Variants in ELF1 observed in about 807,000 individuals in gnomAD.
The protein encoded by ELF1 is ETS-related transcription factor Elf-1.
ELF1 carries 24 observed loss-of-function variants against 59.9 expected under a neutral mutation model. The ratio of observed to expected loss-of-function variants is 0.40; its 90% CI spans 0.29 to 0.56. The LOEUF (loss-of-function observed/expected upper bound fraction) is 0.56, where lower values mean the gene tolerates loss of function less well. Ranked by LOEUF, ELF1 falls within the 20% of genes least tolerant of loss-of-function variation. The pLI is 0.44. For synonymous variants in ELF1, 248 were observed against 266.2 expected, an observed-to-expected ratio of 0.93 and a Z score of 0.67; for missense variants, 627 against 742.2, an observed-to-expected ratio of 0.84 and a Z score of 1.80.
chr13:40,977,444 A>G (rs1405044029), intron 2 of ELF1, among the ~76,000 whole-genome samples: 1 of 152,060 alleles, frequency 6.6e-6, no homozygotes. Context: ...CCCCGCCATG[A>G]CCCCTGCCAT....
chr13:41,055,075 G>A (rs1214161381), intron 1 of ELF1, among the ~76,000 whole-genome samples: 1 of 152,174 alleles, frequency 6.6e-6, no homozygotes, highest in African/African-American at 2.4e-5. Context: ...TGATGATACA[G>A]AGGGAAACAA....
At position 40,982,285 on chromosome 13, in the gene ELF1, A is replaced by G; in HGVS notation, c.-228-3T>C. The G allele has an allele frequency of 1.6e-6, 2 of 1,252,246 alleles. No homozygotes were observed. Among genetic ancestry groups the G allele is most frequent in the East Asian group, 6.6e-5 (2 of 30,456 alleles). The allele number at this position is 1,252,246 out of a possible 1,614,324, so 77.6% of individuals were successfully genotyped here. A position where few individuals can be genotyped will look rare whatever the true frequency, so the allele number is the denominator to read the frequency against. ...TTTCTTCTCTCAAGCTTCTTGGCCTAAAAAACAAAAGCTCAGATTAGTTAT... is the reference window on the plus strand; with the variant it reads ...TTTCTTCTCTCAAGCTTCTTGGCCTGAAAAACAAAAGCTCAGATTAGTTAT... On this transcript the variant is annotated splice_polypyrimidine_tract_variant and splice_region_variant and intron_variant, in intron 1 of 8. Coordinates refer to ENST00000239882, the MANE Select transcript of ELF1 (RefSeq NM_172373.4).
chr13:41,005,203 A>G (rs991488106), intron 1 of ELF1, among the ~76,000 whole-genome samples: 7 of 152,186 alleles, frequency 4.6e-5, no homozygotes, highest in African/African-American at 1.7e-4. Flanking sequence ...GAGCCAATAA[A>G]AAAGTATTTT....
intron 1 of ELF1, among the ~76,000 whole-genome samples, chr13:40,991,496 G>A (rs559778178): frequency 6.6e-6 from 1 of 152,142 alleles, no homozygotes; most frequent in Admixed American, 6.5e-5. Flanking sequence ...AGACAGATCT[G>A]GAACTCCTGG....
intron 5 of ELF1, among the ~76,000 whole-genome samples, chr13:40,944,867 A>G (rs1870408866): frequency 2.0e-5 from 3 of 152,106 alleles, no homozygotes; most frequent in African/African-American, 7.3e-5. Context: ...AGAAAAGCAG[A>G]ATTTTACAGC....
chr13:40,985,973 T>C (rs778338697), intron 1 of ELF1, among the ~76,000 whole-genome samples: 8 of 151,970 alleles, frequency 5.3e-5, no homozygotes, highest in Non-Finnish European at 7.4e-5. Flanking sequence ...GTCAACTTAT[T>C]TGCACAGTTT....
intron 1 of ELF1, among the ~76,000 whole-genome samples, chr13:40,993,779 C>G (rs1593384324): frequency 6.6e-6 from 1 of 152,136 alleles, no homozygotes; most frequent in African/African-American, 2.4e-5. Flanking sequence ...AACACTGCAC[C>G]TGGCCGGGTT....
chr13:41,039,695 C>CA (rs1360055227), intron 1 of ELF1, among the ~76,000 whole-genome samples: 6 of 152,158 alleles, frequency 3.9e-5, no homozygotes, highest in Non-Finnish European at 8.8e-5. Flanking sequence ...AAACACTGCT[C>CA]AATGACATGC....
chr13:40,971,543 G>A (rs944543774), intron 2 of ELF1, among the ~76,000 whole-genome samples: 2 of 152,156 alleles, frequency 1.3e-5, no homozygotes, highest in African/African-American at 2.4e-5. Flanking sequence ...GCGCCACTGC[G>A]TCTGGCCAGT....
At chr13:41,046,520 A>T (rs1012490855) in intron 1 of ELF1, among the ~76,000 whole-genome samples, 11 of 152,090 alleles carry the variant, frequency 7.2e-5, no homozygotes, top group African/African-American at 2.7e-4. Flanking sequence ...TCTGTAAAGG[A>T]TTTTATTTCT....
intron 8 of ELF1, among the ~76,000 whole-genome samples, chr13:40,940,249 TCCTC>T (rs1870042849): frequency 6.6e-6 from 1 of 151,950 alleles, no homozygotes; most frequent in Non-Finnish European, 1.5e-5. Flanking sequence ...TTTTCTGCCT[TCCTC>T]CCATACTCCC....
chr13:41,059,421 T>C (rs1026803990), intron 1 of ELF1, among the ~76,000 whole-genome samples: 5 of 152,288 alleles, frequency 3.3e-5, no homozygotes, highest in Non-Finnish European at 7.3e-5. Context: ...CGATTTAAAA[T>C]ACTTAGGCTT....
chr13:40,986,959 TGG>T (rs1356185758), intron 1 of ELF1, among the ~76,000 whole-genome samples: 2 of 139,530 alleles, frequency 1.4e-5, no homozygotes, highest in East Asian at 2.1e-4. Context: ...TTTTTTTGAG[TGG>T]GAGTCTCACT....
At chr13:40,979,110 G>A (rs779517467) in intron 2 of ELF1, among the ~76,000 whole-genome samples, 6 of 151,500 alleles carry the variant, frequency 4.0e-5, no homozygotes, top group Non-Finnish European at 7.4e-5. Context: ...TTATGTCCAC[G>A]TAACACAGCC....
rs1438685720 is a variant in ELF1, at chr13:41,060,888, CGCCTCT to C, written c.-285_-280del. On this transcript the variant is annotated 5_prime_UTR_variant, in exon 1 of 2. Coordinates refer to the ELF1 transcript ENST00000405737. ...CCTTCGCCGCACCTCTCGCCACCGC[CGCCTCT>C]GCGCTACTGAAGCTGCTGCTGCCGC... 9.7e-5 allele frequency: 33 copies of C among 341,438 alleles called. No homozygotes were observed. The East Asian group carries it at 1.8e-3, about 19-fold the overall frequency. 21.2% of individuals were successfully genotyped at this position (341,438 alleles called of 1,614,324 possible).
chr13:40,985,039 T>C (rs926917467), intron 1 of ELF1, among the ~76,000 whole-genome samples: 6 of 152,214 alleles, frequency 3.9e-5, no homozygotes, highest in Non-Finnish European at 8.8e-5. Context: ...AGCCACTTAT[T>C]GCAGCAGAAA....
At chr13:41,055,049 A>G (rs1877235007) in intron 1 of ELF1, among the ~76,000 whole-genome samples, 1 of 152,196 alleles carries the variant, frequency 6.6e-6, no homozygotes, top group Admixed American at 6.5e-5. Context: ...CCAGGTGCCA[A>G]GCCCTGCTTC....
rs752304913 is a variant in ELF1 at position 40,933,477 on chromosome 13, G to A, written c.1808C>T (p.Thr603Ile). Reference sequence around the variant, plus strand: ...GTTTTGTTTCATAGCTACCTGAGAAGTAAATCCATTGGAACTGGACACTAC... The same window carrying A: ...GTTTTGTTTCATAGCTACCTGAGAAATAAATCCATTGGAACTGGACACTAC... ...VMVVSSSNGFTSQVAMKQNEL... is the reference protein window; with the variant it reads ...VMVVSSSNGFISQVAMKQNEL... The change falls in exon 9 of 9, where the codon ACT (threonine) becomes ATT (isoleucine). Residue 603 changes from threonine (T) to isoleucine (I), a missense_variant. This residue lies in a region of ELF1 where 361 missense variants were observed against 396.1 expected (regional missense o/e 0.91). Coordinates refer to ENST00000239882, the MANE Select transcript of ELF1 (RefSeq NM_172373.4). 32 of 1,614,094 alleles carry A rather than the reference G, an allele frequency of 2.0e-5. No homozygotes were observed. The highest frequency in any genetic ancestry group is 2.7e-5 in the Non-Finnish European group (32 of 1,180,040).
At position 40,965,685 on chromosome 13, in the gene ELF1, T is replaced by A. The variant is rs564242742; in HGVS notation, c.73-6669A>T. The stretch of plus-strand genomic sequence containing the variant: ...TGATGCCTTAACAAAAACATTACAT[T>A]CCATTTGACTGGCTGCTACTTTAAA... On this transcript the variant is annotated intron_variant, in intron 2 of 8. Transcript: ENST00000239882. Among the ~76,000 whole-genome samples the A allele has an allele frequency of 3.3e-5, 5 of 152,260 alleles. No homozygotes were observed. In the South Asian group the frequency reaches 1.0e-3, roughly 32 times the overall value.
Sources: allele counts gnomAD v4.1 joint callset (sites outside exome capture counted in the v4.1 genomes callset), GRCh38; gene constraint gnomAD v4.1.1; regional missense constraint gnomAD v4.1.1; transcripts MANE v1.5; gene names NCBI Gene and HGNC (gene_info 2026-07-23, HGNC 2026-07-21).